Variants in NRXN3 observed in about 807,000 individuals in gnomAD.
NRXN3 encodes the protein neurexin 3.
Under a neutral mutation model 137.6 loss-of-function variants are expected in NRXN3, and 32 were observed. The ratio of observed to expected loss-of-function variants is 0.23; its 90% CI spans 0.18 to 0.31. The LOEUF (loss-of-function observed/expected upper bound fraction) is 0.31, where lower values mean the gene tolerates loss of function less well. Among genes scored for constraint, NRXN3 ranks in the 10% least tolerant of loss-of-function variants. The pLI, the probability that NRXN3 is intolerant of heterozygous loss-of-function variation, is 1.00. For synonymous variants in NRXN3, 798 were observed against 784.5 expected, an observed-to-expected ratio of 1.02 and a Z score of -0.29; for missense variants, 1,574 against 2,062.5, an observed-to-expected ratio of 0.76 and a Z score of 4.59.
Position 78,657,803 on chromosome 14 carries a change from C to T in NRXN3, c.1221+6477C>T, listed in dbSNP as rs139615015. Among the ~76,000 whole-genome samples the T allele has an allele frequency of 2.8e-3, 430 of 152,230 alleles. 2 individuals are homozygous for T. Among genetic ancestry groups the T allele is most frequent in the African/African-American group, 9.9e-3 (413 of 41,520 alleles). Reference sequence around the variant, plus strand: ...CGTTTATTTGAATTGCTGGCACCTGCGGGCTTTGGGATAATGTGTTTGTTG... The same window carrying T: ...CGTTTATTTGAATTGCTGGCACCTGTGGGCTTTGGGATAATGTGTTTGTTG... On this transcript the variant is annotated intron_variant, in intron 6 of 20. Coordinates refer to ENST00000335750, the MANE Select transcript of NRXN3 (RefSeq NM_001330195.2).
chr14:79,609,036 A>G (rs901732107), intron 16 of NRXN3, among the ~76,000 whole-genome samples: 3 of 152,228 alleles, frequency 2.0e-5, no homozygotes, highest in Non-Finnish European at 4.4e-5. Flanking sequence ...TGAAATAAAA[A>G]TTGAACTGCA....
chr14:79,631,316 G>C (rs1603271482), intron 16 of NRXN3, among the ~76,000 whole-genome samples: 1 of 152,370 alleles, frequency 6.6e-6, no homozygotes, highest in East Asian at 1.9e-4. Flanking sequence ...AGCAGCCCTC[G>C]CTCGCTCTTG....
rs1555489894 is a variant in NRXN3, at chr14:78,778,758, C to CTT, written c.2045-24861_2045-24860insTT. The stretch of plus-strand genomic sequence containing the variant: ...TCTCTCTTTCTTTCTTTCCTTCTTT[C>CTT]TCTTTCTTTCTTTCTTTCTTTCTTT... On this transcript the variant is annotated intron_variant, in intron 8 of 20. Transcript: ENST00000335750. 3.4e-3 allele frequency among the ~76,000 whole-genome samples: 334 copies of CTT among 97,192 alleles called. 3 individuals carry two copies. Among genetic ancestry groups the CTT allele is most frequent in the African/African-American group, 0.013 (312 of 24,388 alleles). 63.8% of individuals were successfully genotyped at this position (97,192 alleles called of 152,430 possible). A position where few individuals can be genotyped will look rare whatever the true frequency, so the allele number is the denominator to read the frequency against.
At chr14:79,574,596 T>C (rs2097647458) in intron 16 of NRXN3, among the ~76,000 whole-genome samples, 2 of 152,218 alleles carry the variant, frequency 1.3e-5, no homozygotes, top group South Asian at 2.1e-4. Context: ...CTTCTACCCA[T>C]GGGCCTCTCC....
At chr14:79,680,159 A>C (rs1230197013) in intron 17 of NRXN3, among the ~76,000 whole-genome samples, 1 of 152,142 alleles carries the variant, frequency 6.6e-6, no homozygotes. Flanking sequence ...GCTAATCCAT[A>C]AACTTTAACA....
At chr14:79,772,439 A>G (rs1204229132) in intron 19 of NRXN3, among the ~76,000 whole-genome samples, 3 of 152,146 alleles carry the variant, frequency 2.0e-5, no homozygotes, top group East Asian at 3.9e-4. Flanking sequence ...ATATAGATCA[A>G]TGGAACAGAA....
intron 4 of NRXN3, among the ~76,000 whole-genome samples, chr14:78,552,919 A>C (rs2152210582): frequency 6.6e-6 from 1 of 152,328 alleles, no homozygotes; most frequent in South Asian, 2.1e-4. Flanking sequence ...TCCTAAGTAT[A>C]CTGATTTGAC....
At chr14:79,717,683 A>G (rs1374578435) in intron 19 of NRXN3, among the ~76,000 whole-genome samples, 1 of 152,194 alleles carries the variant, frequency 6.6e-6, no homozygotes, top group African/African-American at 2.4e-5. Context: ...AGGACAGTTC[A>G]TCTCAGGTTT....
chr14:78,174,955 G>A (rs901032384), intron 1 of NRXN3, among the ~76,000 whole-genome samples: 10 of 152,146 alleles, frequency 6.6e-5, no homozygotes, highest in Non-Finnish European at 7.4e-5. Flanking sequence ...GGCTGAGCTC[G>A]GGAGGGTGGT....
At position 79,290,023 on chromosome 14, in the gene NRXN3, AC is replaced by A. The variant is rs918697777; in HGVS notation, c.3263-177191del. Among the ~76,000 whole-genome samples, 4 of 150,150 alleles carry A rather than the reference AC, an allele frequency of 2.7e-5. No individual in the cohort carries two copies. In the South Asian group the frequency reaches 6.4e-4, roughly 24 times the overall value. On this transcript the variant is annotated intron_variant, in intron 15 of 20. Transcript: ENST00000335750. ...TTTATTGTTTTGAAATATTCCTCTC[AC>A]CCCCCCACGTTAAAACATAACCATG... is the stretch of plus-strand genomic sequence containing the variant.
At chr14:79,667,433 C>G (rs753044659) in intron 17 of NRXN3, among the ~76,000 whole-genome samples, 2 of 151,882 alleles carry the variant, frequency 1.3e-5, no homozygotes, top group Non-Finnish European at 2.9e-5. Context: ...AGCTGTGCAC[C>G]GGGATGAATG....
chr14:78,726,889 C>T (rs2098486383), intron 8 of NRXN3, among the ~76,000 whole-genome samples: 1 of 149,474 alleles, frequency 6.7e-6, no homozygotes, highest in African/African-American at 2.4e-5. Flanking sequence ...CAACCATAGC[C>T]ATCATCCATC....
chr14:79,818,927 G>A (rs1014499353), intron 20 of NRXN3, among the ~76,000 whole-genome samples: 2 of 152,092 alleles, frequency 1.3e-5, no homozygotes, highest in African/African-American at 4.8e-5. Context: ...AACCCATCCC[G>A]AATCCAGATC....
At chr14:79,613,744 G>A (rs1472101893) in intron 16 of NRXN3, among the ~76,000 whole-genome samples, 1 of 152,166 alleles carries the variant, frequency 6.6e-6, no homozygotes, top group East Asian at 1.9e-4. Flanking sequence ...CCAGGAGCTA[G>A]GCAGGTTCAC....
At chr14:79,774,622 T>C (rs182872866) in intron 19 of NRXN3, among the ~76,000 whole-genome samples, 372 of 152,268 alleles carry the variant, frequency 2.4e-3, no homozygotes, top group Middle Eastern at 6.8e-3. Flanking sequence ...TGAAAAAGCA[T>C]ATCCAGTCTC....
chr14:79,629,556 G>T (rs2098321258), intron 16 of NRXN3, among the ~76,000 whole-genome samples: 1 of 152,110 alleles, frequency 6.6e-6, no homozygotes, highest in Admixed American at 6.5e-5. Flanking sequence ...TGGGGGGTAG[G>T]GTTGGGGACT....
chr14:79,415,387 A>G (rs2095481927), intron 15 of NRXN3, among the ~76,000 whole-genome samples: 1 of 152,068 alleles, frequency 6.6e-6, no homozygotes, highest in Non-Finnish European at 1.5e-5. Flanking sequence ...TGTAACAACT[A>G]TTTACTTAGC....
intron 15 of NRXN3, among the ~76,000 whole-genome samples, chr14:79,296,382 C>T (rs2084127108): frequency 6.6e-6 from 1 of 151,482 alleles, no homozygotes; most frequent in Non-Finnish European, 1.5e-5. Flanking sequence ...CAGAAATAAA[C>T]TTTATATCAT....
At chr14:78,666,542 A>G (rs780502297) in intron 6 of NRXN3, among the ~76,000 whole-genome samples, 3 of 152,202 alleles carry the variant, frequency 2.0e-5, no homozygotes, top group Non-Finnish European at 2.9e-5. Context: ...GTCATTACCT[A>G]TTCACTCGAG....
Sources: gnomAD v4.1 joint callset for allele counts (sites outside exome capture counted in the v4.1 genomes callset) on GRCh38, gnomAD v4.1.1 for gene constraint, MANE v1.5 for transcripts, NCBI Gene and HGNC (gene_info 2026-07-23, HGNC 2026-07-21) for gene names.